FGGY: variants seen among roughly 807,000 people sequenced by gnomAD.
FGGY encodes the protein FGGY carbohydrate kinase domain-containing protein.
Under a neutral mutation model 71.3 loss-of-function variants are expected in FGGY, and 72 were observed. The observed-to-expected ratio is 1.01, with a 90% confidence interval of 0.84 to 1.23. FGGY has a LOEUF of 1.23. FGGY is among the 50% of genes most tolerant of loss of function. FGGY has a pLI of 0.00. For missense variants in FGGY, 668 were observed against 682.3 expected (o/e 0.98, Z 0.23); for synonymous variants, 251 against 250.3 (o/e 1.00, Z -0.02).
chr1:59,726,039 C>T (rs1373249107), intron 14 of FGGY, among the ~76,000 whole-genome samples: 1 of 152,044 alleles, frequency 6.6e-6, no homozygotes, highest in East Asian at 1.9e-4. Flanking sequence ...ATGATAATAG[C>T]TGTAGAGTTT....
chr1:59,378,926 A>G (rs1013397250), intron 5 of FGGY, 89 bp downstream of exon 5: 7 of 1,113,318 alleles, frequency 6.3e-6, no homozygotes, highest in Non-Finnish European at 9.3e-6. Context: ...CTTTGACTGG[A>G]TATACTTTTG....
chr1:59,347,533 G>A (rs959029395), intron 4 of FGGY, among the ~76,000 whole-genome samples: 97 of 152,098 alleles, frequency 6.4e-4, no homozygotes, highest in Admixed American at 1.2e-3. Flanking sequence ...AGTCTTTGCT[G>A]TTGTGAATAG....
At chr1:59,338,720 T>A (rs2050087764) in intron 2 of FGGY, among the ~76,000 whole-genome samples, 1 of 152,204 alleles carries the variant, frequency 6.6e-6, no homozygotes. Context: ...CATGCCATAA[T>A]TTATTTAATA....
At chr1:59,369,242 G>A (rs974300664) in intron 4 of FGGY, among the ~76,000 whole-genome samples, 2 of 152,188 alleles carry the variant, frequency 1.3e-5, no homozygotes, top group Non-Finnish European at 2.9e-5. Flanking sequence ...CTTAAAAAAC[G>A]GCGCACCAGG....
intron 2 of FGGY, among the ~76,000 whole-genome samples, chr1:59,332,217 A>C (rs2048628087): frequency 6.6e-6 from 1 of 152,176 alleles, no homozygotes; most frequent in Non-Finnish European, 1.5e-5. Context: ...CTACGAGTTG[A>C]CAGTTGTTAG....
At chr1:59,686,164 T>C (rs10889150) in intron 14 of FGGY, among the ~76,000 whole-genome samples, 1 of 151,970 alleles carries the variant, frequency 6.6e-6, no homozygotes, top group East Asian at 1.9e-4. Flanking sequence ...CTTGACTCAG[T>C]GATAGAACCA....
At chr1:59,647,741 C>CTTTTTTTT (rs578262218) in intron 11 of FGGY, among the ~76,000 whole-genome samples, 6 of 111,580 alleles carry the variant, frequency 5.4e-5, no homozygotes, top group East Asian at 2.7e-4. Flanking sequence ...CTGCCACCAT[C>CTTTTTTTT]TTTTTTTTTT....
chr1:59,311,517 T>G (rs1340360231), intron 1 of FGGY, among the ~76,000 whole-genome samples: 1 of 152,138 alleles, frequency 6.6e-6, no homozygotes, highest in African/African-American at 2.4e-5. Context: ...CCTGTGTTAG[T>G]TTGCTGAGGT....
At chr1:59,307,290 G>T (rs983821374) in intron 1 of FGGY, among the ~76,000 whole-genome samples, 4 of 147,714 alleles carry the variant, frequency 2.7e-5, no homozygotes, top group African/African-American at 1.0e-4. Context: ...CTCCAGCCTG[G>T]GTGATAGAGT....
chr1:59,600,450 G>A (rs1376479463), intron 8 of FGGY, among the ~76,000 whole-genome samples: 1 of 152,152 alleles, frequency 6.6e-6, no homozygotes, highest in African/African-American at 2.4e-5. Flanking sequence ...TGCACACATA[G>A]GACTGGATGA....
chr1:59,431,649 T>C (rs766772321), intron 5 of FGGY, among the ~76,000 whole-genome samples: 1 of 152,168 alleles, frequency 6.6e-6, no homozygotes. Flanking sequence ...CAAAGTGGCT[T>C]TCAACCACAG....
At chr1:59,500,121 C>G (rs1851297) in intron 6 of FGGY, among the ~76,000 whole-genome samples, 65,525 of 151,932 alleles carry the variant, frequency 0.43, 15,364 homozygotes, top group African/African-American at 0.62. Context: ...AAGGTGGAAG[C>G]TCATTGATAA....
intron 3 of FGGY, among the ~76,000 whole-genome samples, chr1:59,343,403 C>T (rs2051115256): frequency 6.6e-6 from 1 of 152,188 alleles, no homozygotes; most frequent in African/African-American, 2.4e-5. Context: ...TCCTCACCTG[C>T]CTAGCCATTG....
intron 12 of FGGY, 72 bp from the exon 13 acceptor site, chr1:59,667,211 A>T: frequency 6.3e-7 from 1 of 1,584,796 alleles, no homozygotes; most frequent in Non-Finnish European, 8.6e-7. Context: ...CACTGAGTAG[A>T]CATTTAAGAA....
chr1:59,457,815 A>G (rs937516126), intron 6 of FGGY, among the ~76,000 whole-genome samples: 1 of 152,214 alleles, frequency 6.6e-6, no homozygotes, highest in Non-Finnish European at 1.5e-5. Flanking sequence ...AAAATCTAGA[A>G]AAAAGCAGAA....
intron 5 of FGGY, among the ~76,000 whole-genome samples, chr1:59,388,942 T>C (rs562896603): frequency 6.6e-6 from 1 of 152,036 alleles, no homozygotes; most frequent in African/African-American, 2.4e-5. Flanking sequence ...CCCATTTCCC[T>C]CTTTACCTAT....
intron 9 of FGGY, among the ~76,000 whole-genome samples, chr1:59,624,991 C>A (rs893878783): frequency 6.6e-6 from 1 of 152,172 alleles, no homozygotes; most frequent in South Asian, 2.1e-4. Flanking sequence ...AGAGCCAGAA[C>A]CCAACCCTGG....
At chr1:59,328,037 A>G (rs2047746573) in intron 2 of FGGY, among the ~76,000 whole-genome samples, 3 of 152,208 alleles carry the variant, frequency 2.0e-5, no homozygotes, top group Admixed American at 2.0e-4. Context: ...TAAGGGCCCT[A>G]GGATTTTTGG....
chr1:59,615,043 A>C (rs563335701), intron 9 of FGGY, among the ~76,000 whole-genome samples: 1 of 152,372 alleles, frequency 6.6e-6, no homozygotes, highest in Admixed American at 6.5e-5. Flanking sequence ...ATGGGTAGGA[A>C]GAATCAATAT....
Sources: gnomAD v4.1 joint callset for allele counts (sites outside exome capture counted in the v4.1 genomes callset) on GRCh38, gnomAD v4.1.1 for gene constraint, MANE v1.5 for transcripts, NCBI Gene and HGNC (gene_info 2026-07-23, HGNC 2026-07-21) for gene names.